APP: variants seen among roughly 807,000 people sequenced by gnomAD.
The protein encoded by APP is amyloid-beta precursor protein.
In APP, 31 loss-of-function variants were observed where a neutral mutation model predicts 101.4. The ratio of observed to expected loss-of-function variants is 0.31; its 90% CI spans 0.23 to 0.41. APP has a LOEUF of 0.41. APP is among the 10% of genes least tolerant of loss of function. APP has a pLI of 1.00. For synonymous variants in APP, 366 were observed against 364.4 expected, an observed-to-expected ratio of 1.00 and a Z score of -0.05; for missense variants, 839 against 1,003.7, an observed-to-expected ratio of 0.84 and a Z score of 2.22.
intron 6 of APP, among the ~76,000 whole-genome samples, chr21:26,016,806 G>A (rs372442763): frequency 3.9e-5 from 6 of 152,186 alleles, no homozygotes; most frequent in South Asian, 4.1e-4. Context: ...TCCTGACCTC[G>A]TTATCCGCCT....
intron 3 of APP, among the ~76,000 whole-genome samples, chr21:26,088,400 G>A (rs1383022575): frequency 6.6e-6 from 1 of 152,102 alleles, no homozygotes; most frequent in Non-Finnish European, 1.5e-5. Flanking sequence ...GTCATACCAG[G>A]AGCAATAATG....
intron 1 of APP, chr21:26,169,419 G>A (rs1346835890): frequency 2.0e-5 from 3 of 152,628 alleles, no homozygotes; most frequent in Admixed American, 1.3e-4. Flanking sequence ...TGCCAGGGAA[G>A]AGGCCGCGCC....
Position 25,881,422 on chromosome 21 carries a change from C to G in APP, c.*248G>C, listed in dbSNP as rs2036975815. ...TAGTTTGATACAGCTAAATTCTTTA[C>G]AGTACACAAAACCCATTAATAATGT... On this transcript the variant is annotated 3_prime_UTR_variant, in exon 18 of 18. Coordinates refer to ENST00000346798, the MANE Select transcript of APP (RefSeq NM_000484.4). 1.8e-6 allele frequency: 1 copy of G among 556,550 alleles called. No homozygotes were observed. Among genetic ancestry groups the G allele is most frequent in the African/African-American group, 1.9e-5 (1 of 52,892 alleles). 34.5% of individuals were successfully genotyped at this position (556,550 alleles called of 1,614,324 possible).
At chr21:25,981,827 A>ATT (rs1330044389) in intron 9 of APP, among the ~76,000 whole-genome samples, 30 of 152,034 alleles carry the variant, frequency 2.0e-4, no homozygotes, top group Non-Finnish European at 4.4e-5. Flanking sequence ...CTTTGTGCTA[A>ATT]AATGGGAAGC....
intron 16 of APP, among the ~76,000 whole-genome samples, chr21:25,896,705 TA>T (rs755186575): frequency 1.3e-5 from 2 of 152,192 alleles, no homozygotes; most frequent in African/African-American, 4.8e-5. Context: ...ATTCTAACAT[TA>T]GGGGGGAAAA....
intron 1 of APP, among the ~76,000 whole-genome samples, chr21:26,130,867 CAA>C (rs1326203969): frequency 6.6e-6 from 1 of 152,042 alleles, no homozygotes; most frequent in African/African-American, 2.4e-5. Context: ...CTTCAAAAGC[CAA>C]AGAGTTCACT....
intron 2 of APP, among the ~76,000 whole-genome samples, chr21:26,103,877 G>C (rs2062120918): frequency 6.6e-6 from 1 of 152,202 alleles, no homozygotes; most frequent in Non-Finnish European, 1.5e-5. Context: ...TGGGTCTGTA[G>C]GGCTTTTGCC....
intron 7 of APP, among the ~76,000 whole-genome samples, chr21:25,998,913 TCATCATG>T (rs2043162981): frequency 6.6e-6 from 1 of 152,232 alleles, no homozygotes; most frequent in South Asian, 2.1e-4. Flanking sequence ...GGGGAAAATT[TCATCATG>T]CACTTAAGTC....
chr21:26,114,830 G>A (rs568457872), intron 1 of APP, among the ~76,000 whole-genome samples: 2 of 151,584 alleles, frequency 1.3e-5, no homozygotes, highest in African/African-American at 4.8e-5. Context: ...ATCAAAAAGT[G>A]GTAATTTTTT....
chr21:25,965,915 A>G (rs2041778968), intron 11 of APP, among the ~76,000 whole-genome samples: 1 of 152,234 alleles, frequency 6.6e-6, no homozygotes, highest in African/African-American at 2.4e-5. Flanking sequence ...GCGTAAAACC[A>G]TACGGTGCTA....
intron 11 of APP, among the ~76,000 whole-genome samples, chr21:25,970,006 A>AAGAGAGAGAG (rs34800671): frequency 2.0e-5 from 3 of 146,624 alleles, no homozygotes; most frequent in African/African-American, 7.6e-5. Flanking sequence ...GAAACAGAGA[A>AAGAGAGAGAG]AGAGAGAGAG....
At position 25,881,383 on chromosome 21, in the gene APP, A is replaced by G; in HGVS notation, c.*287T>C. ...CTATGTGATAAATAATCAGGAGAGA[A>G]TCTATTCATGCACTAGTTTGATACA... On this transcript the variant is annotated 3_prime_UTR_variant, in exon 18 of 18. Transcript: ENST00000346798. 4.2e-6 allele frequency: 2 copies of G among 474,990 alleles called. No homozygotes were observed. The highest frequency in any genetic ancestry group is 6.7e-5 in the Admixed American group (2 of 29,934). 29.4% of individuals were successfully genotyped at this position (474,990 alleles called of 1,614,324 possible). A position where few individuals can be genotyped will look rare whatever the true frequency, so the allele number is the denominator to read the frequency against.
At chr21:25,979,909 G>A (rs1370235080) in intron 9 of APP, among the ~76,000 whole-genome samples, 1 of 50,310 alleles carries the variant, frequency 2.0e-5, no homozygotes, top group Non-Finnish European at 4.2e-5. Context: ...AGATAATGCA[G>A]GTGTGTCCAG....
At chr21:26,019,311 C>A (rs1451649511) in intron 6 of APP, among the ~76,000 whole-genome samples, 2 of 152,206 alleles carry the variant, frequency 1.3e-5, no homozygotes, top group African/African-American at 4.8e-5. Context: ...AATCCTGTCT[C>A]CTAAATATGC....
intron 11 of APP, among the ~76,000 whole-genome samples, chr21:25,965,293 A>G (rs914213094): frequency 2.6e-5 from 4 of 152,228 alleles, no homozygotes; most frequent in Non-Finnish European, 5.9e-5. Context: ...GGACCCTTGC[A>G]GAGATTTGTC....
chr21:25,890,462 C>T (rs755278677), intron 17 of APP, among the ~76,000 whole-genome samples: 14 of 152,088 alleles, frequency 9.2e-5, no homozygotes, highest in Admixed American at 6.5e-4. Context: ...CAATGGGGGC[C>T]AGACGCGGTG....
At chr21:26,034,785 C>CTAG (rs1601280922) in intron 5 of APP, among the ~76,000 whole-genome samples, 1 of 152,226 alleles carries the variant, frequency 6.6e-6, no homozygotes, top group East Asian at 1.9e-4. Flanking sequence ...TCATCAAATG[C>CTAG]TAGTGGCTGC....
At chr21:25,883,475 A>C (rs904421583) in intron 17 of APP, among the ~76,000 whole-genome samples, 3 of 152,080 alleles carry the variant, frequency 2.0e-5, no homozygotes, top group African/African-American at 7.2e-5. Context: ...GTGGATCACG[A>C]GGTCGGGAGT....
chr21:26,020,487 A>C (rs371578945), intron 6 of APP, among the ~76,000 whole-genome samples: 9 of 152,234 alleles, frequency 5.9e-5, no homozygotes, highest in Admixed American at 5.9e-4. Context: ...TACTATAGTG[A>C]CAACTATGAA....
Sources: allele counts gnomAD v4.1 joint callset (sites outside exome capture counted in the v4.1 genomes callset), GRCh38; gene constraint gnomAD v4.1.1; transcripts MANE v1.5; gene names NCBI Gene and HGNC (gene_info 2026-07-23, HGNC 2026-07-21).